FHIP2B: variants seen among roughly 807,000 people sequenced by gnomAD.
The protein encoded by FHIP2B is FHF complex subunit HOOK interacting protein 2B.
Under a neutral mutation model 84.0 loss-of-function variants are expected in FHIP2B, and 72 were observed. The observed-to-expected ratio is 0.86, with a 90% CI of 0.71 to 1.04. The LOEUF is 1.04. Among genes scored for constraint, FHIP2B ranks in the 50% least tolerant of loss-of-function variants. FHIP2B has a pLI of 0.00. For synonymous variants in FHIP2B, 497 were observed against 418.7 expected (o/e 1.19, Z -2.28); for missense variants, 972 against 968.9 (o/e 1.00, Z -0.04).
At chr8:22,101,131 C>T in intron 12 of FHIP2B, 159 bp downstream of exon 12, 1 of 932,362 alleles carries the variant, frequency 1.1e-6, no homozygotes, top group South Asian at 1.8e-5. Flanking sequence ...CAAGCGATTC[C>T]TGTGCCTCAG....
rs373199574 is a variant in FHIP2B, at chr8:22,098,362, G to A, written c.768+52G>A. 43 of 1,541,248 alleles carry A rather than the reference G, an allele frequency of 2.8e-5. No individual in the cohort carries two copies. In the African/African-American group the frequency reaches 4.3e-4, roughly 15 times the overall value. ...GGGGGTGGGGGAAGGGTGGGTTGAC[G>A]GCTGGGGGGTGATTTGGGGGCTCAC... On this transcript the variant is annotated intron_variant, in intron 6 of 16. Coordinates refer to ENST00000289921, the MANE Select transcript of FHIP2B (RefSeq NM_022749.7).
At chr8:22,096,668 T>A in intron 3 of FHIP2B, 159 bp downstream of exon 3, 1 of 1,000,708 alleles carries the variant, frequency 1.0e-6, no homozygotes, top group Non-Finnish European at 1.4e-6. Context: ...GTGGGCAGCC[T>A]GGGGCTCCCT....
chr8:22,095,259 T>C (rs1439729119), intron 2 of FHIP2B: 1 of 152,348 alleles, frequency 6.6e-6, no homozygotes, highest in East Asian at 1.9e-4. Flanking sequence ...CAGAAATCTG[T>C]GGGACCCTCT....
Position 22,102,303 on chromosome 8 carries a change from C to A in FHIP2B, c.1980C>A (p.Ser660=). The A allele has an allele frequency of 6.3e-7, 1 of 1,599,296 alleles. No homozygotes were observed. Among genetic ancestry groups the A allele is most frequent in the Non-Finnish European group, 8.5e-7 (1 of 1,172,004 alleles). The change falls in exon 15 of 17, where the codon TCC becomes TCA. Residue 660 remains serine, a synonymous_variant. Coordinates refer to ENST00000289921, the MANE Select transcript of FHIP2B (RefSeq NM_022749.7). ...SLAPGCRSLF[S]VLVRVIGDLM... ...CCCCCGGCTGCAGGAGCCTATTCTCCGTGTTGGTGAGGGTGAGGACGCCTC... is the reference window on the plus strand; with the variant it reads ...CCCCCGGCTGCAGGAGCCTATTCTCAGTGTTGGTGAGGGTGAGGACGCCTC...
At chr8:22,100,477 A>G in intron 10 of FHIP2B, 117 bp from the exon 11 acceptor site, 1 of 1,189,652 alleles carries the variant, frequency 8.4e-7, no homozygotes, top group Non-Finnish European at 1.1e-6. Context: ...CTTAGCATCC[A>G]GCCAAGGGAG....
rs746102610 is a variant in FHIP2B at position 22,098,217 on chromosome 8, G to A, written c.675G>A (p.Leu225=). 5.0e-6 allele frequency: 8 copies of A among 1,586,992 alleles called. No individual in the cohort carries two copies. In the Admixed American group the frequency reaches 1.5e-4, roughly 29 times the overall value. The change falls in exon 6 of 17, where the codon TTG becomes TTA. Residue 225 remains leucine, a synonymous_variant. Transcript: ENST00000289921. ...GGGAGTCCTGTGGGGCCCAGGCCTT[G>A]AACAGCCACATGCCTGCTGAGACCG... The part of the protein sequence containing the change: ...LDGESCGAQA[L]NSHMPAETEE...
At position 22,101,727 on chromosome 8, in the gene FHIP2B, G is replaced by T. The variant is rs752025525; in HGVS notation, c.1727G>T (p.Arg576Leu). Residue 576 changes from arginine to leucine, a missense_variant, in exon 14 of 17, where the codon CGC (arginine) becomes CTC (leucine). By Grantham distance (102) the Arg-to-Leu change is moderately radical (BLOSUM62 -2). Transcript: ENST00000289921. ...TCTCAGTTCCAGGAGTGCAGCTCCCGCGTCGCCTCCTGGGGCTGGCCTCTG... is the reference window on the plus strand; with the variant it reads ...TCTCAGTTCCAGGAGTGCAGCTCCCTCGTCGCCTCCTGGGGCTGGCCTCTG... ...AYGLFQECSS[R>L]VASWGWPLTP... 41 of 1,612,350 alleles carry T rather than the reference G, an allele frequency of 2.5e-5. No individual in the cohort carries two copies. Among genetic ancestry groups the T allele is most frequent in the Non-Finnish European group, 3.3e-5 (39 of 1,179,308 alleles).
Position 22,098,071 on chromosome 8 carries a change from A to G in FHIP2B, c.529A>G (p.Lys177Glu). 1.9e-6 allele frequency: 3 copies of G among 1,591,104 alleles called. No homozygotes were observed. Among genetic ancestry groups the G allele is most frequent in the Non-Finnish European group, 2.6e-6 (3 of 1,168,756 alleles). Residue 177 changes from lysine to glutamate, a missense_variant, in exon 6 of 17, where the codon AAA (lysine) becomes GAA (glutamate). Physicochemically the swap from Lys to Glu is moderately conservative, Grantham distance 56 (BLOSUM62 1). Transcript: ENST00000289921. Reference protein sequence around the residue: ...PELLAYILEGKKIVGRKKACG... With the variant: ...PELLAYILEGEKIVGRKKACG... Reference sequence around the variant, plus strand: ...CCTCATCTCACCCTCTTTTCAGGGTAAAAAGATTGTAGGTAGGAAGAAAGC... The same window carrying G: ...CCTCATCTCACCCTCTTTTCAGGGTGAAAAGATTGTAGGTAGGAAGAAAGC...
At chr8:22,091,094 G>T (rs1050944885) in intron 1 of FHIP2B, among the ~76,000 whole-genome samples, 4 of 152,164 alleles carry the variant, frequency 2.6e-5, no homozygotes, top group Admixed American at 2.6e-4. Context: ...TTCCTCTTTT[G>T]TGCTCTACCC....
At chr8:22,101,355 C>A (rs1826100914) in intron 12 of FHIP2B, 85 bp from the exon 13 acceptor site, 4 of 1,133,020 alleles carry the variant, frequency 3.5e-6, no homozygotes, top group Non-Finnish European at 3.8e-6. Flanking sequence ...GCCCTGGGGT[C>A]CAGTCAGGGA....
rs781375678 is a variant in FHIP2B at position 22,098,533 on chromosome 8, C to T, written c.879C>T (p.Ile293=). Residue 293 remains isoleucine, a synonymous_variant, in exon 7 of 17, where the codon ATC becomes ATT. Transcript: ENST00000289921. ...AGAGCAGCGCCTGCTGCCCTGCGAT[C>T]GTCCGGCACCTTTGCCAGTTGTACC... ...LVQSSACCPA[I]VRHLCQLYRS... is the part of the protein sequence containing the mutation. The T allele has an allele frequency of 5.0e-6, 8 of 1,612,798 alleles. No individual in the cohort carries two copies. In the South Asian group the frequency reaches 6.6e-5, roughly 13 times the overall value.
intron 5 of FHIP2B, 26 bp from the exon 6 acceptor site, chr8:22,098,042 C>T (rs1430427836): frequency 6.3e-7 from 1 of 1,575,584 alleles, no homozygotes; most frequent in East Asian, 2.3e-5. Flanking sequence ...CCCACCAGGT[C>T]TGGCCTCATC....
Position 22,103,546 on chromosome 8 carries a change from G to T in FHIP2B, c.*615G>T, listed in dbSNP as rs1041057681. 6.6e-6 allele frequency: 1 copy of T among 152,428 alleles called. No individual in the cohort carries two copies. Among genetic ancestry groups the T allele is most frequent in the Non-Finnish European group, 1.5e-5 (1 of 68,200 alleles). 9.4% of individuals were successfully genotyped at this position (152,428 alleles called of 1,614,324 possible). A position where few individuals can be genotyped will look rare whatever the true frequency, so the allele number is the denominator to read the frequency against. On this transcript the variant is annotated 3_prime_UTR_variant, in exon 17 of 17. Transcript: ENST00000289921. ...ATGGCAAATGCCCAAAGCATGTTCCGCACCCAGGCGGGGGCCCCTGCTAAT... is the reference window on the plus strand; with the variant it reads ...ATGGCAAATGCCCAAAGCATGTTCCTCACCCAGGCGGGGGCCCCTGCTAAT...
chr8:22,102,404 G>A, intron 15 of FHIP2B, 89 bp downstream of exon 15: 3 of 1,439,912 alleles, frequency 2.1e-6, no homozygotes, highest in Non-Finnish European at 2.8e-6. Context: ...GGGGGCTGGA[G>A]GGGTGGGCAC....
intron 12 of FHIP2B, chr8:22,101,210 A>T (rs1826094048): frequency 1.5e-6 from 1 of 650,492 alleles, no homozygotes. Flanking sequence ...TTTAGTAGAG[A>T]CTGGGTTTCC....
chr8:22,098,191 G>T lies in FHIP2B; in HGVS notation c.649G>T (p.Gly217Trp), dbSNP rs532651194. Reference protein sequence around the residue: ...DGAPARPQLDGESCGAQALNS... With the variant: ...DGAPARPQLDWESCGAQALNS... ...TGCTCCTGCCAGGCCCCAGCTGGACGGGGAGTCCTGTGGGGCCCAGGCCTT... is the reference window on the plus strand; with the variant it reads ...TGCTCCTGCCAGGCCCCAGCTGGACTGGGAGTCCTGTGGGGCCCAGGCCTT... The change falls in exon 6 of 17, where the codon GGG becomes TGG. Residue 217 changes from glycine to tryptophan, a missense_variant. Gly to Trp is a radical substitution (Grantham distance 184, BLOSUM62 -2). Coordinates refer to ENST00000289921, the MANE Select transcript of FHIP2B (RefSeq NM_022749.7). 1.3e-6 allele frequency: 2 copies of T among 1,578,228 alleles called. No homozygotes were observed. Among genetic ancestry groups the T allele is most frequent in the East Asian group, 4.7e-5 (2 of 42,764 alleles).
chr8:22,094,271 T>C (rs957972300), intron 1 of FHIP2B, among the ~76,000 whole-genome samples, 169 bp from the exon 2 acceptor site: 3 of 151,972 alleles, frequency 2.0e-5, no homozygotes, highest in African/African-American at 4.8e-5. Context: ...AAGATGACAG[T>C]GTGTCCTGGA....
intron 1 of FHIP2B, among the ~76,000 whole-genome samples, chr8:22,094,025 A>G (rs1563589726): frequency 3.3e-5 from 5 of 151,728 alleles, no homozygotes; most frequent in East Asian, 3.9e-4. Context: ...CCTTTGCCAC[A>G]TTTTCGATCT....
chr8:22,101,855 G>C lies in FHIP2B; in HGVS notation c.1851+4G>C, dbSNP rs1181412011. 2 of 1,612,916 alleles carry C rather than the reference G, an allele frequency of 1.2e-6. No individual in the cohort carries two copies. Among genetic ancestry groups the C allele is most frequent in the African/African-American group, 1.3e-5 (1 of 75,058 alleles). On this transcript the variant is annotated splice_donor_region_variant and intron_variant, in intron 14 of 16. Transcript: ENST00000289921. The stretch of plus-strand genomic sequence containing the variant: ...CATGTCCCGGATTCTGGATCAGGTA[G>C]CTAGTGGGCCTGGGCCAGGAGAACT...
Sources: gnomAD v4.1 joint callset for allele counts (sites outside exome capture counted in the v4.1 genomes callset) on GRCh38, gnomAD v4.1.1 for gene constraint, MANE v1.5 for transcripts, NCBI Gene and HGNC (gene_info 2026-07-23, HGNC 2026-07-21) for gene names.